Variants in CNOT6L observed in about 807,000 individuals in gnomAD.
CNOT6L encodes CCR4-NOT transcription complex subunit 6 like.
CNOT6L carries 7 observed loss-of-function variants against 64.0 expected under a neutral mutation model. The ratio of observed to expected loss-of-function variants is 0.11; its 90% confidence interval spans 0.06 to 0.21. The LOEUF (loss-of-function observed/expected upper bound fraction) is 0.21. Among genes scored for constraint, CNOT6L ranks in the 10% least tolerant of loss-of-function variants. CNOT6L has a pLI of 1.00. For missense variants in CNOT6L, 245 were observed against 669.0 expected (o/e 0.37, Z 6.99); for synonymous variants, 193 against 243.4 (o/e 0.79, Z 1.93).
intron 4 of CNOT6L, among the ~76,000 whole-genome samples, chr4:77,764,870 A>AG (rs1446553874): frequency 1.3e-5 from 2 of 152,180 alleles, no homozygotes; most frequent in Non-Finnish European, 2.9e-5. Context: ...TGCAACCCTT[A>AG]GGATTAAAGG....
chr4:77,799,566 G>T (rs1211482706), intron 1 of CNOT6L, among the ~76,000 whole-genome samples: 1 of 151,950 alleles, frequency 6.6e-6, no homozygotes, highest in Non-Finnish European at 1.5e-5. Context: ...TTAGCTGGGC[G>T]TGGTGGTGGG....
intron 5 of CNOT6L, among the ~76,000 whole-genome samples, chr4:77,754,958 T>A (rs1725349626): frequency 7.3e-6 from 1 of 137,082 alleles, no homozygotes. Flanking sequence ...CATGATCTTG[T>A]GGTATCAAAA....
rs777691379 is a variant in CNOT6L at position 77,800,502 on chromosome 4, C to T, written c.5+18802G>A. On this transcript the variant is annotated intron_variant, in intron 1 of 11. Coordinates refer to ENST00000504123, the MANE Select transcript of CNOT6L (RefSeq NM_144571.3). ...CCAGCCTGTGAGCGACAAAGCAAGA[C>T]CCTGTCTCTTAAAAAAAAAATTAAA... 2.6e-5 allele frequency among the ~76,000 whole-genome samples: 4 copies of T among 151,616 alleles called. No individual in the cohort carries two copies. In the East Asian group the frequency reaches 7.7e-4, roughly 29 times the overall value.
chr4:77,731,566 G>A (rs763319794), intron 8 of CNOT6L, 28 bp from the exon 9 acceptor site: 2 of 1,452,698 alleles, frequency 1.4e-6, no homozygotes, highest in South Asian at 1.4e-5. Context: ...ATAATTTTAG[G>A]TACCTAGACT....
intron 1 of CNOT6L, among the ~76,000 whole-genome samples, chr4:77,784,956 C>A (rs1024433636): frequency 6.6e-6 from 1 of 152,020 alleles, no homozygotes; most frequent in African/African-American, 2.4e-5. Flanking sequence ...AAAATTTATA[C>A]GGAAAGACAA....
chr4:77,792,486 G>T (rs1349526151), intron 1 of CNOT6L, among the ~76,000 whole-genome samples: 1 of 152,116 alleles, frequency 6.6e-6, no homozygotes, highest in Non-Finnish European at 1.5e-5. Flanking sequence ...AGTACTTTGG[G>T]AGGCTGAGGT....
At chr4:77,754,493 T>G (rs893691601) in intron 5 of CNOT6L, among the ~76,000 whole-genome samples, 2 of 152,058 alleles carry the variant, frequency 1.3e-5, no homozygotes, top group South Asian at 4.1e-4. Context: ...CATCTATAGA[T>G]TCAATATAAT....
intron 2 of CNOT6L, among the ~76,000 whole-genome samples, 157 bp from the exon 3 acceptor site, chr4:77,774,873 A>C (rs1727986807): frequency 1.3e-5 from 2 of 152,208 alleles, no homozygotes; most frequent in South Asian, 2.1e-4. Flanking sequence ...GATTGCTTCC[A>C]AACACACCTG....
chr4:77,783,150 C>CAAAAAAA (rs35634501), intron 1 of CNOT6L, among the ~76,000 whole-genome samples: 12 of 102,064 alleles, frequency 1.2e-4, no homozygotes, highest in Non-Finnish European at 1.3e-4. Context: ...TGTGACCACT[C>CAAAAAAA]AAAAAAAAAA....
At chr4:77,755,437 G>C (rs1191803478) in intron 5 of CNOT6L, among the ~76,000 whole-genome samples, 1 of 151,712 alleles carries the variant, frequency 6.6e-6, no homozygotes, top group Non-Finnish European at 1.5e-5. Context: ...AGATTGTCTC[G>C]ATCTCTTGAC....
upstream of CNOT6L, chr4:77,819,525 G>A (rs1734057575): frequency 7.3e-6 from 6 of 823,780 alleles, no homozygotes; most frequent in Admixed American, 8.4e-5. Context: ...CGTAACCGGG[G>A]CTCGCGGGCG....
At chr4:77,787,553 A>G (rs1729595551) in intron 1 of CNOT6L, among the ~76,000 whole-genome samples, 1 of 152,232 alleles carries the variant, frequency 6.6e-6, no homozygotes, top group African/African-American at 2.4e-5. Context: ...GTTTCTCAGC[A>G]TACACAATTA....
chr4:77,795,478 G>A (rs1014847577), intron 1 of CNOT6L, among the ~76,000 whole-genome samples: 1 of 152,148 alleles, frequency 6.6e-6, no homozygotes, highest in Admixed American at 6.5e-5. Context: ...CTGGTGGGAG[G>A]TGACTGAATC....
intron 1 of CNOT6L, chr4:77,819,052 A>ACC (rs752764250): frequency 3.1e-6 from 2 of 650,846 alleles, no homozygotes; most frequent in African/African-American, 1.9e-5. Context: ...CACCCCCGAC[A>ACC]CACACACACA....
At chr4:77,734,055 A>G (rs1722705614) in intron 8 of CNOT6L, among the ~76,000 whole-genome samples, 1 of 152,192 alleles carries the variant, frequency 6.6e-6, no homozygotes, top group Admixed American at 6.5e-5. Flanking sequence ...AATGAACTAC[A>G]GCCTTCTTCA....
At chr4:77,747,507 T>C (rs1275511795) in intron 6 of CNOT6L, among the ~76,000 whole-genome samples, 1 of 152,176 alleles carries the variant, frequency 6.6e-6, no homozygotes, top group Non-Finnish European at 1.5e-5. Context: ...ACTGGTTTAA[T>C]CTTCATATCC....
intron 10 of CNOT6L, among the ~76,000 whole-genome samples, chr4:77,727,547 A>G (rs1257703249): frequency 7.6e-6 from 1 of 131,544 alleles, no homozygotes; most frequent in Non-Finnish European, 1.6e-5. Context: ...TGGCAACAAG[A>G]GCACAACTCT....
chr4:77,727,814 A>G (rs1490375940), intron 10 of CNOT6L, among the ~76,000 whole-genome samples: 2 of 152,346 alleles, frequency 1.3e-5, no homozygotes, highest in South Asian at 2.1e-4. Flanking sequence ...TAAAGTGCCA[A>G]TTAGGCTAGG....
At chr4:77,807,174 A>T (rs575790276) in intron 1 of CNOT6L, among the ~76,000 whole-genome samples, 1 of 150,690 alleles carries the variant, frequency 6.6e-6, no homozygotes, top group African/African-American at 2.4e-5. Context: ...GCTACTCGGG[A>T]GGCTGAGGCA....
Sources: gnomAD v4.1 joint callset for allele counts (sites outside exome capture counted in the v4.1 genomes callset) on GRCh38, gnomAD v4.1.1 for gene constraint, MANE v1.5 for transcripts, NCBI Gene and HGNC (gene_info 2026-07-23, HGNC 2026-07-21) for gene names.